Variants in BMP1 observed in about 807,000 individuals in gnomAD.
BMP1 encodes mammalian tolloid protein.
Under a neutral mutation model 116.8 loss-of-function variants are expected in BMP1, and 63 were observed. That is an observed-to-expected ratio of 0.54 (90% CI 0.44 to 0.67). The LOEUF is 0.67. BMP1 is among the 30% of genes least tolerant of loss of function. BMP1 has a pLI of 0.00. For synonymous variants in BMP1, 536 were observed against 533.4 expected (o/e 1.00, Z -0.07); for missense variants, 1,183 against 1,358.9 (o/e 0.87, Z 2.04).
intron 1 of BMP1, among the ~76,000 whole-genome samples, chr8:22,173,320 C>A (rs948543214): frequency 2.0e-5 from 3 of 152,132 alleles, no homozygotes; most frequent in African/African-American, 7.2e-5. Context: ...TGGTGAGACC[C>A]TATCTGCCCC....
rs1172233828 is a variant in BMP1, at chr8:22,194,823, C to G, written c.1543C>G (p.Pro515Ala). The G allele has an allele frequency of 6.2e-7, 1 of 1,614,212 alleles. No individual in the cohort carries two copies. The highest frequency in any genetic ancestry group is 8.5e-7 in the Non-Finnish European group (1 of 1,180,040). ...CGGGCGCTACTGTGGCTATGAGAAG[C>G]CTGATGACATCAAGAGCACGTCCAG... ...LIGRYCGYEK[P>A]DDIKSTSSRL... Residue 515 changes from proline (P) to alanine (A), a missense_variant, in exon 12 of 20, where the codon CCT becomes GCT. Pro to Ala is a conservative substitution (Grantham distance 27). Around this residue, in one of 4 missense-constraint regions of BMP1, gnomAD observed 956 missense variants for 1,135.2 expected, o/e 0.84. Transcript: ENST00000306385. The surrounding 1 kb of genome is among the most constrained non-coding windows in gnomAD (Gnocchi z 4.5).
intron 6 of BMP1, among the ~76,000 whole-genome samples, chr8:22,178,448 C>T (rs535722513): frequency 6.6e-6 from 1 of 152,030 alleles, no homozygotes; most frequent in Non-Finnish European, 1.5e-5. Flanking sequence ...CGCCACCGTG[C>T]CTTTTTTTTT....
intron 15 of BMP1, chr8:22,198,867 C>T: frequency 9.6e-7 from 1 of 1,036,506 alleles, no homozygotes; most frequent in Non-Finnish European, 1.2e-6. Flanking sequence ...CCTCCCCATG[C>T]CAGGCCAATT....
intron 19 of BMP1, 53 bp from the exon 20 acceptor site, chr8:22,211,541 C>T: frequency 6.2e-7 from 1 of 1,610,654 alleles, no homozygotes; most frequent in South Asian, 1.1e-5. Context: ...GGAGGCAGGA[C>T]AGCAGCCCCA....
At chr8:22,204,444 A>C (rs6557884) in intron 16 of BMP1, among the ~76,000 whole-genome samples, 58,945 of 152,098 alleles carry the variant, frequency 0.39, 16,088 homozygotes, top group African/African-American at 0.78. Flanking sequence ...GAGTCGGGGC[A>C]GGGCGTGGTG....
In BMP1 at chr8:22,207,467, C is replaced by T; in HGVS notation, c.2526C>T (p.Tyr842=). ...GCAGCCGCATGTTCCTGCGCTTCTA[C>T]TCAGATAACTCGGTCCAGCGAAAGG... is the stretch of plus-strand genomic sequence containing the variant. The part of the protein sequence containing the change: ...ATGSRMFLRF[Y]SDNSVQRKGF... The change falls in exon 18 of 20, where the codon TAC becomes TAT. Residue 842 remains tyrosine (Y), a synonymous_variant. Coordinates refer to ENST00000306385, the MANE Select transcript of BMP1 (RefSeq NM_006129.5). 4 of 1,614,000 alleles carry T rather than the reference C, an allele frequency of 2.5e-6. No individual in the cohort carries two copies. The highest frequency in any genetic ancestry group is 3.4e-6 in the Non-Finnish European group (4 of 1,180,046).
In BMP1 at chr8:22,194,460, A is replaced by G. The variant is rs1483066745; in HGVS notation, c.1313A>G (p.Asp438Gly). The G allele has an allele frequency of 6.2e-7, 1 of 1,614,050 alleles. No homozygotes were observed. The highest frequency in any genetic ancestry group is 8.5e-7 in the Non-Finnish European group (1 of 1,180,002). Reference sequence around the variant, plus strand: ...GTCCCCACAGCCATCTGCGGGGGTGATGTGAAAAAGGACTATGGCCACATT... The same window carrying G: ...GTCCCCACAGCCATCTGCGGGGGTGGTGTGAAAAAGGACTATGGCCACATT... Reference protein sequence around the residue: ...FAVYEAICGGDVKKDYGHIQS... With the variant: ...FAVYEAICGGGVKKDYGHIQS... Residue 438 changes from aspartate to glycine, a missense_variant, in exon 11 of 20, where the codon GAT (aspartate) becomes GGT (glycine). Physicochemically the swap from Asp to Gly is moderately conservative, Grantham distance 94. This residue lies in a region of BMP1 where 956 missense variants were observed against 1,135.2 expected (regional missense o/e 0.84). Coordinates refer to ENST00000306385, the MANE Select transcript of BMP1 (RefSeq NM_006129.5). The surrounding 1 kb of genome is among the most constrained non-coding windows in gnomAD (Gnocchi z 4.5).
intron 17 of BMP1, among the ~76,000 whole-genome samples, 160 bp from the exon 18 acceptor site, chr8:22,207,143 C>G (rs993759964): frequency 1.3e-5 from 2 of 152,232 alleles, no homozygotes; most frequent in Non-Finnish European, 2.9e-5. Flanking sequence ...AAATTAGGGG[C>G]GTCCCTGCCT....
intron 19 of BMP1, among the ~76,000 whole-genome samples, 194 bp downstream of exon 19, chr8:22,209,889 G>A (rs1216045254): frequency 6.6e-6 from 1 of 152,254 alleles, no homozygotes; most frequent in East Asian, 1.9e-4. Flanking sequence ...CCCCATCCCC[G>A]ACGTAGGAAA....
chr8:22,168,390 C>G (rs1032221516), intron 1 of BMP1, among the ~76,000 whole-genome samples: 2 of 152,164 alleles, frequency 1.3e-5, no homozygotes, highest in African/African-American at 4.8e-5. Context: ...GCCAACACCC[C>G]CCCGGAGAGA....
intron 19 of BMP1, among the ~76,000 whole-genome samples, chr8:22,210,828 G>T (rs989166746): frequency 1.3e-5 from 2 of 152,216 alleles, no homozygotes; most frequent in African/African-American, 2.4e-5. Flanking sequence ...TTCTTCCAGA[G>T]ACCTCCCCCA....
At chr8:22,206,231 G>A (rs1281450380) in intron 16 of BMP1, among the ~76,000 whole-genome samples, 1 of 152,238 alleles carries the variant, frequency 6.6e-6, no homozygotes, top group African/African-American at 2.4e-5. Flanking sequence ...GCCAGGCATA[G>A]TGGCTCACGC....
intron 16 of BMP1, among the ~76,000 whole-genome samples, chr8:22,204,441 G>A (rs1829316371): frequency 6.6e-6 from 1 of 152,190 alleles, no homozygotes; most frequent in Non-Finnish European, 1.5e-5. Context: ...TCTGAGTCGG[G>A]GCAGGGCGTG....
chr8:22,181,250 C>A (rs1158103489), intron 8 of BMP1, among the ~76,000 whole-genome samples: 1 of 152,194 alleles, frequency 6.6e-6, no homozygotes, highest in African/African-American at 2.4e-5. Context: ...TCTGTCTTAC[C>A]TTGTGGGGAA....
chr8:22,211,090 G>A (rs950221307), intron 19 of BMP1, among the ~76,000 whole-genome samples: 38 of 152,160 alleles, frequency 2.5e-4, no homozygotes, highest in Admixed American at 2.5e-3. Flanking sequence ...TCCAGGCCTG[G>A]GGGGCACTGT....
chr8:22,165,878 C>CGTGT (rs1432185239), intron 1 of BMP1, among the ~76,000 whole-genome samples: 14 of 67,800 alleles, frequency 2.1e-4, no homozygotes, highest in East Asian at 6.9e-4. Flanking sequence ...AACTCCTGTG[C>CGTGT]GTGCGTGTGT....
chr8:22,192,441 A>G (rs541472506), intron 9 of BMP1: 3 of 299,038 alleles, frequency 1.0e-5, no homozygotes, highest in Non-Finnish European at 1.9e-5. Flanking sequence ...ATCAGAATTG[A>G]CTGAGAGAGA....
At chr8:22,178,769 G>A (rs891168876) in intron 6 of BMP1, among the ~76,000 whole-genome samples, 1 of 151,966 alleles carries the variant, frequency 6.6e-6, no homozygotes, top group Non-Finnish European at 1.5e-5. Flanking sequence ...CTCCTTAGCA[G>A]TGTGGGAAAT....
intron 15 of BMP1, among the ~76,000 whole-genome samples, chr8:22,199,895 C>G (rs1443422162): frequency 6.6e-6 from 1 of 152,180 alleles, no homozygotes; most frequent in African/African-American, 2.4e-5. Flanking sequence ...CCCATGGCCC[C>G]TAGGGGTCTA....
Sources: gnomAD v4.1 joint callset for allele counts (sites outside exome capture counted in the v4.1 genomes callset) on GRCh38, gnomAD v4.1.1 for gene constraint, gnomAD v4.1.1 regional missense constraint, Gnocchi (gnomAD v3.1) non-coding constraint, MANE v1.5 for transcripts, NCBI Gene and HGNC (gene_info 2026-07-23, HGNC 2026-07-21) for gene names.